The following FSTL4 variants were observed in gnomAD, a reference collection of about 807,000 sequenced individuals.
FSTL4 encodes the protein follistatin-related protein 4.
FSTL4 carries 28 observed loss-of-function variants against 78.2 expected under a neutral mutation model. The ratio of observed to expected loss-of-function variants is 0.36; its 90% CI spans 0.27 to 0.49. The LOEUF is 0.49. Ranked by LOEUF, FSTL4 falls within the 20% of genes least tolerant of loss-of-function variation. The pLI is 0.98. For missense variants in FSTL4, 922 were observed against 1,084.9 expected (o/e 0.85, Z 2.11); for synonymous variants, 422 against 440.5 (o/e 0.96, Z 0.53).
intron 6 of FSTL4, among the ~76,000 whole-genome samples, chr5:133,250,800 C>T (rs1752205936): frequency 6.6e-6 from 1 of 152,250 alleles, no homozygotes; most frequent in African/African-American, 2.4e-5. Context: ...GCAAAGCCCT[C>T]CTTCTTCCAC....
At chr5:133,336,363 G>A (rs527421423) in intron 4 of FSTL4, among the ~76,000 whole-genome samples, 2 of 152,340 alleles carry the variant, frequency 1.3e-5, no homozygotes, top group South Asian at 2.1e-4. Flanking sequence ...GGCGAGGCTC[G>A]AGCCCTGCTC....
At chr5:133,707,467 C>A in the FSTL4 span, among the ~76,000 whole-genome samples, 1 of 152,156 alleles carries the variant, frequency 6.6e-6, no homozygotes. Context: ...TAGCGCCAAA[C>A]AATTGGGGAA....
intron 11 of FSTL4, among the ~76,000 whole-genome samples, chr5:133,223,231 GC>G (rs1295868843): frequency 6.6e-6 from 1 of 152,260 alleles, no homozygotes; most frequent in Non-Finnish European, 1.5e-5. Context: ...GCTATTGACA[GC>G]AGTTCCTCGT....
intron 4 of FSTL4, among the ~76,000 whole-genome samples, chr5:133,323,698 C>A (rs1243640460): frequency 6.6e-6 from 1 of 152,234 alleles, no homozygotes; most frequent in Non-Finnish European, 1.5e-5. Flanking sequence ...CTGGCCCTGG[C>A]CTCAGGCTCC....
chr5:133,464,618 C>T (rs2112841677), intron 3 of FSTL4, among the ~76,000 whole-genome samples: 1 of 152,308 alleles, frequency 6.6e-6, no homozygotes, highest in Non-Finnish European at 1.5e-5. Context: ...CCTACCTTCC[C>T]CCCATGGAGG....
chr5:133,636,032 A>T, the FSTL4 span, among the ~76,000 whole-genome samples: 108,602 of 152,090 alleles, frequency 0.71, 39,177 homozygotes, highest in African/African-American at 0.81. Flanking sequence ...CATCATTATA[A>T]CCCAGGGCCC....
chr5:133,297,022 T>G (rs1271855614), intron 6 of FSTL4, among the ~76,000 whole-genome samples: 1 of 152,146 alleles, frequency 6.6e-6, no homozygotes, highest in East Asian at 1.9e-4. Context: ...AGTACCTGCC[T>G]ACCTTGATGG....
chr5:133,217,731 T>A (rs1750961160), intron 12 of FSTL4, among the ~76,000 whole-genome samples: 2 of 152,174 alleles, frequency 1.3e-5, no homozygotes, highest in African/African-American at 4.8e-5. Context: ...TCCCACCTCT[T>A]GCATGCTCCT....
the FSTL4 span, among the ~76,000 whole-genome samples, chr5:133,634,266 G>A: frequency 6.6e-6 from 1 of 152,130 alleles, no homozygotes; most frequent in Admixed American, 6.6e-5. Context: ...GTGTAGGGAT[G>A]GGGTCACAGG....
At chr5:133,702,658 T>C in the FSTL4 span, among the ~76,000 whole-genome samples, 9 of 152,214 alleles carry the variant, frequency 5.9e-5, no homozygotes, top group Admixed American at 4.6e-4. Flanking sequence ...TATGCTTTTA[T>C]AGATATAAAA....
At chr5:133,602,989 A>G (rs1760904692) in intron 2 of FSTL4, among the ~76,000 whole-genome samples, 1 of 152,208 alleles carries the variant, frequency 6.6e-6, no homozygotes, top group African/African-American at 2.4e-5. Flanking sequence ...AAACAGGGAC[A>G]AAGAAAAAGA....
chr5:133,646,043 G>C, the FSTL4 span, among the ~76,000 whole-genome samples: 2 of 152,156 alleles, frequency 1.3e-5, no homozygotes, highest in African/African-American at 4.8e-5. Flanking sequence ...GATCAAGAAA[G>C]ACATGGTCCT....
intron 2 of FSTL4, among the ~76,000 whole-genome samples, chr5:133,582,673 C>T (rs1367427381): frequency 6.6e-6 from 1 of 152,212 alleles, no homozygotes; most frequent in Non-Finnish European, 1.5e-5. Context: ...ACACTGCTCC[C>T]TCACACCTCT....
chr5:133,601,026 C>A (rs1028754277), intron 2 of FSTL4, among the ~76,000 whole-genome samples: 7 of 152,116 alleles, frequency 4.6e-5, no homozygotes, highest in African/African-American at 1.4e-4. Flanking sequence ...AATAAACTAC[C>A]CAGAAACTAT....
intron 1 of FSTL4, among the ~76,000 whole-genome samples, chr5:133,608,666 C>T (rs1303133819): frequency 1.3e-5 from 2 of 152,128 alleles, no homozygotes; most frequent in Non-Finnish European, 1.5e-5. Flanking sequence ...TTGTGAAAAC[C>T]ACAGGATTTT....
At chr5:133,314,877 A>G (rs1561668158) in intron 5 of FSTL4, among the ~76,000 whole-genome samples, 1 of 152,204 alleles carries the variant, frequency 6.6e-6, no homozygotes, top group African/African-American at 2.4e-5. Flanking sequence ...GAAACACACC[A>G]TGTGGCCAGG....
At chr5:133,391,558 G>A (rs1050055241) in intron 4 of FSTL4, among the ~76,000 whole-genome samples, 1 of 152,192 alleles carries the variant, frequency 6.6e-6, no homozygotes, top group East Asian at 1.9e-4. Flanking sequence ...CAAAGAACTT[G>A]GGCTTCCAAT....
At chr5:133,314,975 A>C (rs1223296859) in intron 5 of FSTL4, among the ~76,000 whole-genome samples, 1 of 152,134 alleles carries the variant, frequency 6.6e-6, no homozygotes, top group Non-Finnish European at 1.5e-5. Context: ...CCAGCCTGGC[A>C]AAATGGTGAA....
chr5:133,359,480 C>T (rs1008961129), intron 4 of FSTL4, among the ~76,000 whole-genome samples: 8 of 152,160 alleles, frequency 5.3e-5, no homozygotes, highest in African/African-American at 9.7e-5. Context: ...AATAGGCAAA[C>T]GAACTTATCA....
Sources: allele counts gnomAD v4.1 joint callset (sites outside exome capture counted in the v4.1 genomes callset), GRCh38; gene constraint gnomAD v4.1.1; transcripts MANE v1.5; gene names NCBI Gene and HGNC (gene_info 2026-07-23, HGNC 2026-07-21).